INTS9: variants seen among roughly 807,000 people sequenced by gnomAD.
INTS9 encodes the protein protein related to CPSF subunits of 74 kDa.
INTS9 carries 55 observed loss-of-function variants against 79.7 expected under a neutral mutation model. The ratio of observed to expected loss-of-function variants is 0.69; its 90% CI spans 0.56 to 0.86. The LOEUF is 0.86. Among genes scored for constraint, INTS9 ranks in the 40% least tolerant of loss-of-function variants. The pLI, the probability that INTS9 is intolerant of heterozygous loss-of-function variation, is 0.00. For synonymous variants in INTS9, 319 were observed against 325.2 expected, an observed-to-expected ratio of 0.98 and a Z score of 0.20; for missense variants, 721 against 831.5, an observed-to-expected ratio of 0.87 and a Z score of 1.64.
intron 10 of INTS9, among the ~76,000 whole-genome samples, chr8:28,789,317 T>C (rs975913599): frequency 1.1e-4 from 17 of 152,196 alleles, no homozygotes; most frequent in African/African-American, 4.1e-4. Context: ...TTAGGCCAGT[T>C]CTGCTAACAG....
intron 9 of INTS9, among the ~76,000 whole-genome samples, chr8:28,796,006 TG>T (rs1441316764): frequency 6.6e-6 from 1 of 151,994 alleles, no homozygotes; most frequent in African/African-American, 2.4e-5. Flanking sequence ...CAAATATTAG[TG>T]GGGAAAAAAT....
At chr8:28,806,368 C>CA (rs1355476689) in intron 8 of INTS9, among the ~76,000 whole-genome samples, 2 of 152,084 alleles carry the variant, frequency 1.3e-5, no homozygotes, top group Non-Finnish European at 2.9e-5. Flanking sequence ...TGATAAAACA[C>CA]AATGATCATG....
At chr8:28,874,655 A>T (rs1291794002) in intron 1 of INTS9, among the ~76,000 whole-genome samples, 1 of 152,114 alleles carries the variant, frequency 6.6e-6, no homozygotes, top group East Asian at 1.9e-4. Context: ...CATAATTCTT[A>T]TTCTTTACTG....
chr8:28,861,581 C>T (rs1808461894), intron 1 of INTS9, among the ~76,000 whole-genome samples: 1 of 152,268 alleles, frequency 6.6e-6, no homozygotes, highest in East Asian at 1.9e-4. Flanking sequence ...TGAGCTTTTA[C>T]TACATTTTTA....
At chr8:28,769,127 AAGAC>A (rs1161680406) in intron 16 of INTS9, among the ~76,000 whole-genome samples, 1 of 152,226 alleles carries the variant, frequency 6.6e-6, no homozygotes, top group Non-Finnish European at 1.5e-5. Flanking sequence ...GGGAAAATCA[AAGAC>A]AGGTGGAGAA....
intron 6 of INTS9, among the ~76,000 whole-genome samples, chr8:28,833,655 A>C (rs563991478): frequency 6.6e-6 from 1 of 151,384 alleles, no homozygotes; most frequent in African/African-American, 2.4e-5. Flanking sequence ...AAAACCAAAA[A>C]AAAAACAAAA....
chr8:28,835,165 T>C, intron 6 of INTS9, 127 bp downstream of exon 6: 4 of 634,940 alleles, frequency 6.3e-6, no homozygotes, highest in Non-Finnish European at 8.0e-6. Context: ...CTTTCATGTA[T>C]TAGGAAAAAG....
At chr8:28,786,927 C>T (rs1803634375) in intron 11 of INTS9, among the ~76,000 whole-genome samples, 1 of 151,924 alleles carries the variant, frequency 6.6e-6, no homozygotes, top group Non-Finnish European at 1.5e-5. Context: ...CTGTGTTAGC[C>T]AGGATGGTCT....
chr8:28,788,328 G>T (rs959623634), intron 10 of INTS9, among the ~76,000 whole-genome samples: 1 of 152,072 alleles, frequency 6.6e-6, no homozygotes, highest in African/African-American at 2.4e-5. Context: ...TTCTGTTCCA[G>T]GATCCAATCC....
chr8:28,877,922 G>A (rs1809483562), intron 1 of INTS9, among the ~76,000 whole-genome samples: 1 of 152,056 alleles, frequency 6.6e-6, no homozygotes, highest in African/African-American at 2.4e-5. Context: ...AATACAAAGG[G>A]TGTTAGAAAT....
chr8:28,862,376 C>T (rs1174624268), intron 1 of INTS9: 2 of 276,004 alleles, frequency 7.2e-6, no homozygotes, highest in East Asian at 3.5e-4. Flanking sequence ...ACTATGTTTT[C>T]CTCATGTTAC....
intron 16 of INTS9, among the ~76,000 whole-genome samples, chr8:28,769,194 A>G (rs951404867): frequency 6.6e-6 from 1 of 152,192 alleles, no homozygotes; most frequent in Non-Finnish European, 1.5e-5. Context: ...GGCAACTGTG[A>G]TATTTACATT....
rs1445319557 is a variant in INTS9 at position 28,775,746 on chromosome 8, G to GTC, written c.1563+12_1563+13insGA. 6.2e-7 allele frequency: 1 copy of GTC among 1,613,674 alleles called. No individual in the cohort carries two copies. Among genetic ancestry groups the GTC allele is most frequent in the African/African-American group, 1.3e-5 (1 of 74,886 alleles). The stretch of plus-strand genomic sequence containing the variant: ...AAAGCTCTAGTTTAACCCTAGGAAG[G>GTC]AGAACAGCTCACCTCTGGCATGATC... On this transcript the variant is annotated intron_variant, in intron 14 of 16. Coordinates refer to ENST00000521022, the MANE Select transcript of INTS9 (RefSeq NM_018250.4).
chr8:28,879,389 C>T (rs1253378776), intron 1 of INTS9, among the ~76,000 whole-genome samples: 1 of 152,132 alleles, frequency 6.6e-6, no homozygotes, highest in African/African-American at 2.4e-5. Flanking sequence ...TAAAAATACT[C>T]AACAAGCTGG....
intron 14 of INTS9, among the ~76,000 whole-genome samples, chr8:28,772,439 G>A (rs544961914): frequency 2.6e-5 from 4 of 152,284 alleles, no homozygotes; most frequent in African/African-American, 9.6e-5. Flanking sequence ...CATGCACCCG[G>A]GAGGCAGAGG....
chr8:28,811,240 GC>G (rs1246832690), intron 8 of INTS9, among the ~76,000 whole-genome samples: 3 of 150,778 alleles, frequency 2.0e-5, no homozygotes, highest in Non-Finnish European at 4.4e-5. Flanking sequence ...TGATTCTCCC[GC>G]CTCAGCCTCC....
chr8:28,768,433 C>A, intron 16 of INTS9, 111 bp from the exon 17 acceptor site: 1 of 968,950 alleles, frequency 1.0e-6, no homozygotes, highest in Non-Finnish European at 1.6e-6. Context: ...CACGTCTCAA[C>A]ACAATTCTTC....
chr8:28,889,676 C>T (rs1049977499), intron 1 of INTS9, among the ~76,000 whole-genome samples, 198 bp downstream of exon 1: 7 of 152,140 alleles, frequency 4.6e-5, no homozygotes, highest in African/African-American at 1.7e-4. Context: ...AAAAAGACCT[C>T]CTGGGAGGGA....
intron 1 of INTS9, among the ~76,000 whole-genome samples, chr8:28,870,558 G>A (rs192169288): frequency 6.6e-6 from 1 of 152,150 alleles, no homozygotes; most frequent in African/African-American, 2.4e-5. Flanking sequence ...AGTGTATGTC[G>A]GTTCAGGAGT....
Sources: gnomAD v4.1 joint callset for allele counts (sites outside exome capture counted in the v4.1 genomes callset) on GRCh38, gnomAD v4.1.1 for gene constraint, MANE v1.5 for transcripts, NCBI Gene and HGNC (gene_info 2026-07-23, HGNC 2026-07-21) for gene names.